Variants in ANAPC10 observed in about 807,000 individuals in gnomAD.
The protein encoded by ANAPC10 is anaphase promoting complex subunit 10.
A neutral mutation model predicts 22.0 loss-of-function variants in ANAPC10; 12 were observed. The ratio of observed to expected loss-of-function variants is 0.55; its 90% CI spans 0.35 to 0.88. The LOEUF (loss-of-function observed/expected upper bound fraction) is 0.88, where lower values mean the gene tolerates loss of function less well. ANAPC10 is among the 40% of genes least tolerant of loss of function. The pLI, the probability that ANAPC10 is intolerant of heterozygous loss-of-function variation, is 0.01. For synonymous variants in ANAPC10, 65 were observed against 69.5 expected, an observed-to-expected ratio of 0.94 and a Z score of 0.32; for missense variants, 188 against 220.9, an observed-to-expected ratio of 0.85 and a Z score of 0.94.
chr4:145,011,336 AAAAATAAAATAAAATAAAATAAAAT>A (rs70956822), intron 4 of ANAPC10, among the ~76,000 whole-genome samples: 3 of 130,076 alleles, frequency 2.3e-5, no homozygotes, highest in Admixed American at 8.3e-5. Context: ...GACTGTCTTA[AAAAATAAAATAAAATAAAATAAAAT>A]AAAATAAAAT....
intron 4 of ANAPC10, among the ~76,000 whole-genome samples, chr4:145,027,076 T>C (rs1230274874): frequency 7.5e-6 from 1 of 132,718 alleles, no homozygotes; most frequent in African/African-American, 2.8e-5. Flanking sequence ...TGATCTTGGC[T>C]CACTGCAACC....
chr4:145,032,425 A>C (rs534032633), intron 4 of ANAPC10, among the ~76,000 whole-genome samples: 2 of 152,358 alleles, frequency 1.3e-5, no homozygotes, highest in South Asian at 2.1e-4. Context: ...CAAGAAATTT[A>C]GGGAAGAGGT....
At chr4:145,073,800 C>T (rs539814839) in intron 3 of ANAPC10, among the ~76,000 whole-genome samples, 1 of 151,894 alleles carries the variant, frequency 6.6e-6, no homozygotes. Context: ...CTTTGCGACA[C>T]AGAAATCATT....
intron 4 of ANAPC10, among the ~76,000 whole-genome samples, chr4:145,037,296 T>C (rs953818211): frequency 1.3e-5 from 2 of 152,104 alleles, no homozygotes; most frequent in African/African-American, 4.8e-5. Flanking sequence ...TGCAAACATA[T>C]AGAAATTTAG....
Position 145,007,027 on chromosome 4 carries a change from C to G in ANAPC10, c.328-11424G>C, listed in dbSNP as rs1733475635. Among the ~76,000 whole-genome samples, 3 of 151,970 alleles carry G rather than the reference C, an allele frequency of 2.0e-5. 1 individual carries two copies. Among genetic ancestry groups the G allele is most frequent in the Non-Finnish European group, 4.4e-5 (3 of 67,962 alleles). ...CTGAAGATATAAAAATATACATCTC[C>G]TGGGAGGCGCGGGTCCCAAGATGGA... On this transcript the variant is annotated intron_variant, in intron 4 of 4. Transcript: ENST00000507656.
At chr4:145,073,267 A>G (rs561899703) in intron 3 of ANAPC10, among the ~76,000 whole-genome samples, 24 of 152,234 alleles carry the variant, frequency 1.6e-4, no homozygotes, top group Non-Finnish European at 3.5e-4. Context: ...GGAAAATGCA[A>G]TAAAGTATTC....
At chr4:145,003,400 T>C (rs768728819) in intron 4 of ANAPC10, among the ~76,000 whole-genome samples, 5 of 152,200 alleles carry the variant, frequency 3.3e-5, no homozygotes, top group Non-Finnish European at 7.3e-5. Context: ...TACCGAATAA[T>C]GGAATTTGTG....
At chr4:145,031,474 G>A (rs1356651711) in intron 4 of ANAPC10, among the ~76,000 whole-genome samples, 1 of 152,186 alleles carries the variant, frequency 6.6e-6, no homozygotes, top group Admixed American at 6.5e-5. Context: ...CAAGAAAGAG[G>A]CACGACACCT....
chr4:145,045,860 G>A (rs1740221081), intron 4 of ANAPC10, among the ~76,000 whole-genome samples: 2 of 151,976 alleles, frequency 1.3e-5, no homozygotes, highest in Admixed American at 1.3e-4. Context: ...TTGCAAAGAA[G>A]AATTTTTAAA....
chr4:145,031,728 C>A (rs1737613866), intron 4 of ANAPC10, among the ~76,000 whole-genome samples: 1 of 152,142 alleles, frequency 6.6e-6, no homozygotes, highest in Admixed American at 6.5e-5. Flanking sequence ...TTTGGCAGGC[C>A]CCCATAGTGA....
chr4:145,069,465 C>T (rs1046530089), intron 3 of ANAPC10, among the ~76,000 whole-genome samples: 1 of 152,174 alleles, frequency 6.6e-6, no homozygotes, highest in African/African-American at 2.4e-5. Context: ...GGGGAAAGAA[C>T]AATTACTGGA....
intron 4 of ANAPC10, among the ~76,000 whole-genome samples, chr4:145,039,593 T>C (rs770524321): frequency 6.6e-6 from 1 of 151,920 alleles, no homozygotes; most frequent in Non-Finnish European, 1.5e-5. Flanking sequence ...CCCTATGAGG[T>C]ATACTCTTTT....
At chr4:144,996,200 TC>T (rs1560796241) in intron 4 of ANAPC10, among the ~76,000 whole-genome samples, 1 of 152,074 alleles carries the variant, frequency 6.6e-6, no homozygotes, top group East Asian at 1.9e-4. Flanking sequence ...GGCTCTACAC[TC>T]CGAAACAGGC....
intron 4 of ANAPC10, among the ~76,000 whole-genome samples, chr4:145,045,032 A>C (rs1740094642): frequency 6.6e-6 from 1 of 152,058 alleles, no homozygotes; most frequent in African/African-American, 2.4e-5. Flanking sequence ...ATGTTTATAC[A>C]ACTAAATAAA....
chr4:145,067,676 G>A lies in ANAPC10; in HGVS notation c.207-2984C>T, dbSNP rs535640640. On this transcript the variant is annotated intron_variant, in intron 3 of 4. Transcript: ENST00000507656. ...GTTTTATAAAGTTGATATTTTGGCCGCCTCCTGCTACCACAGATACGAGCA... is the reference window on the plus strand; with the variant it reads ...GTTTTATAAAGTTGATATTTTGGCCACCTCCTGCTACCACAGATACGAGCA... Among the ~76,000 whole-genome samples, 20 of 152,226 alleles carry A rather than the reference G, an allele frequency of 1.3e-4. No individual in the cohort carries two copies. In the South Asian group the frequency reaches 2.9e-3, roughly 22 times the overall value.
intron 4 of ANAPC10, among the ~76,000 whole-genome samples, chr4:145,012,341 A>G (rs924722235): frequency 7.9e-5 from 12 of 151,870 alleles, no homozygotes; most frequent in Non-Finnish European, 1.5e-4. Context: ...TGTTAAGAAG[A>G]TATTTTAAAG....
intron 4 of ANAPC10, among the ~76,000 whole-genome samples, chr4:145,014,833 G>A (rs1484450540): frequency 6.6e-6 from 1 of 152,128 alleles, no homozygotes; most frequent in Non-Finnish European, 1.5e-5. Flanking sequence ...CCAGAAGAGA[G>A]ACAACAATCT....
chr4:145,015,387 CAAAGAAAAAAGAA>C (rs548406859), intron 4 of ANAPC10, among the ~76,000 whole-genome samples: 10 of 151,404 alleles, frequency 6.6e-5, no homozygotes, highest in Non-Finnish European at 1.3e-4. Flanking sequence ...CAAACAAAGA[CAAAGAAAAAAGAA>C]TAAGAAAATA....
At chr4:145,094,110 C>A (rs1319197280) in intron 2 of ANAPC10, among the ~76,000 whole-genome samples, 1 of 152,156 alleles carries the variant, frequency 6.6e-6, no homozygotes, top group Non-Finnish European at 1.5e-5. Flanking sequence ...TACTACTAAT[C>A]TGGTGAATGG....
Sources: allele counts gnomAD v4.1 joint callset (sites outside exome capture counted in the v4.1 genomes callset), GRCh38; gene constraint gnomAD v4.1.1; transcripts MANE v1.5; gene names NCBI Gene and HGNC (gene_info 2026-07-23, HGNC 2026-07-21).